EXOC2: variants seen among roughly 807,000 people sequenced by gnomAD.
The protein encoded by EXOC2 is SEC5-like 1.
In EXOC2, 70 loss-of-function variants were observed where a neutral mutation model predicts 131.8. That is an observed-to-expected ratio of 0.53 (90% confidence interval 0.44 to 0.65). The LOEUF (loss-of-function observed/expected upper bound fraction) is 0.65. Among genes scored for constraint, EXOC2 ranks in the 30% least tolerant of loss-of-function variants. The pLI is 0.00. For synonymous variants in EXOC2, 411 were observed against 398.4 expected, an observed-to-expected ratio of 1.03 and a Z score of -0.38; for missense variants, 923 against 1,108.6, an observed-to-expected ratio of 0.83 and a Z score of 2.38.
intron 11 of EXOC2, among the ~76,000 whole-genome samples, chr6:579,764 C>CAA (rs796263150): frequency 6.9e-6 from 1 of 145,336 alleles, no homozygotes; most frequent in African/African-American, 2.5e-5. Flanking sequence ...GACCAAGTGT[C>CAA]AAAAAAAAAA....
At chr6:692,050 C>T (rs1764951929) in intron 1 of EXOC2, among the ~76,000 whole-genome samples, 1 of 152,172 alleles carries the variant, frequency 6.6e-6, no homozygotes, top group Admixed American at 6.5e-5. Context: ...CATTCATAAA[C>T]AAAACATTAT....
At chr6:590,164 G>T (rs973545365) in intron 11 of EXOC2, among the ~76,000 whole-genome samples, 9 of 151,456 alleles carry the variant, frequency 5.9e-5, no homozygotes, top group African/African-American at 2.2e-4. Context: ...CCTTAAGGTT[G>T]AGAGCTCTGC....
chr6:686,839 A>T (rs145561803), intron 1 of EXOC2, among the ~76,000 whole-genome samples: 95 of 152,340 alleles, frequency 6.2e-4, no homozygotes, highest in African/African-American at 2.0e-3. Flanking sequence ...GACATTGATG[A>T]CATGTCAAAA....
At chr6:612,255 T>C (rs1312830481) in intron 6 of EXOC2, among the ~76,000 whole-genome samples, 1 of 152,254 alleles carries the variant, frequency 6.6e-6, no homozygotes, top group Non-Finnish European at 1.5e-5. Flanking sequence ...CTTCTTTTTT[T>C]GTTTTTAGCA....
At chr6:625,850 A>G (rs924876371) in intron 4 of EXOC2, among the ~76,000 whole-genome samples, 3 of 152,108 alleles carry the variant, frequency 2.0e-5, no homozygotes, top group Non-Finnish European at 4.4e-5. Flanking sequence ...TTCCCAGGTA[A>G]TAAGTCACAA....
intron 10 of EXOC2, among the ~76,000 whole-genome samples, chr6:593,150 G>T (rs539948578): frequency 4.3e-4 from 65 of 152,276 alleles, no homozygotes; most frequent in South Asian, 2.1e-4. Context: ...ACAATTTGCA[G>T]TGATCCTATC....
At chr6:516,098 C>G (rs1299447823) in intron 23 of EXOC2, among the ~76,000 whole-genome samples, 1 of 152,140 alleles carries the variant, frequency 6.6e-6, no homozygotes, top group African/African-American at 2.4e-5. Flanking sequence ...CTGGAACTGT[C>G]TATAACCCTA....
At chr6:588,522 T>C (rs1193396558) in intron 11 of EXOC2, among the ~76,000 whole-genome samples, 1 of 152,156 alleles carries the variant, frequency 6.6e-6, no homozygotes, top group Non-Finnish European at 1.5e-5. Context: ...ACCTGGCTAA[T>C]TTTTGTATTT....
chr6:552,289 G>A lies in EXOC2; in HGVS notation c.2121+1565C>T, dbSNP rs575688749. On this transcript the variant is annotated intron_variant, in intron 21 of 27. Transcript: ENST00000230449. ...CTTTTCCTTGTGAGGACCAAGTGCC[G>A]CCCCCTCTGTGTGTCGTTCCCTAAT... 1.4e-4 allele frequency among the ~76,000 whole-genome samples: 21 copies of A among 152,254 alleles called. No homozygotes were observed. In the South Asian group the frequency reaches 3.5e-3, roughly 26 times the overall value.
At chr6:651,223 C>T (rs1561972248) in intron 1 of EXOC2, among the ~76,000 whole-genome samples, 4 of 151,884 alleles carry the variant, frequency 2.6e-5, no homozygotes, top group Non-Finnish European at 4.4e-5. Context: ...TTAATAGAGA[C>T]GGGGTTTCAC....
chr6:625,017 G>A (rs956458646), intron 4 of EXOC2, among the ~76,000 whole-genome samples: 5 of 152,196 alleles, frequency 3.3e-5, no homozygotes, highest in African/African-American at 1.2e-4. Flanking sequence ...TGTTTTCATC[G>A]AGGAATCGAA....
chr6:674,572 C>T (rs1581670425), intron 1 of EXOC2, among the ~76,000 whole-genome samples: 1 of 152,024 alleles, frequency 6.6e-6, no homozygotes, highest in Non-Finnish European at 1.5e-5. Flanking sequence ...ATTGTAAAGG[C>T]TTTTTCTCAT....
At chr6:682,203 T>C (rs112651050) in intron 1 of EXOC2, among the ~76,000 whole-genome samples, 39 of 112,092 alleles carry the variant, frequency 3.5e-4, no homozygotes, top group South Asian at 4.9e-4. Flanking sequence ...CAGTTTCTTT[T>C]TTTTTTTTTT....
Position 679,726 on chromosome 6 carries a change from T to C in EXOC2, c.-44+13293A>G, listed in dbSNP as rs149162172. 5.4e-3 allele frequency among the ~76,000 whole-genome samples: 822 copies of C among 152,168 alleles called. 7 individuals are homozygous for C. The highest frequency in any genetic ancestry group is 0.019 in the African/African-American group (770 of 41,504). The stretch of plus-strand genomic sequence containing the variant: ...CAAAACATCCAGTAAAATGTAAAGG[T>C]TCAGTCAAGGAAACTATGCAGCCAG... On this transcript the variant is annotated intron_variant, in intron 1 of 27. Transcript: ENST00000230449.
Position 629,687 on chromosome 6 carries a change from T to A in EXOC2, c.422+148A>T. On this transcript the variant is annotated intron_variant, in intron 4 of 27. Transcript: ENST00000230449. ...TACTTGCAGCATAGCTAACAAGGCT[T>A]CATAAATAACACCCATCTCCAAACA... 3 of 917,544 alleles carry A rather than the reference T, an allele frequency of 3.3e-6. No homozygotes were observed. In the East Asian group the frequency reaches 8.7e-5, roughly 26 times the overall value. 56.8% of individuals were successfully genotyped at this position (917,544 alleles called of 1,614,324 possible). A position where few individuals can be genotyped will look rare whatever the true frequency, so the allele number is the denominator to read the frequency against.
intron 1 of EXOC2, among the ~76,000 whole-genome samples, chr6:687,624 A>G (rs1764723694): frequency 6.6e-6 from 1 of 152,214 alleles, no homozygotes; most frequent in Admixed American, 6.5e-5. Context: ...TGTGAAAAGG[A>G]AACATCCTTG....
chr6:576,624 G>T, intron 12 of EXOC2, 133 bp downstream of exon 12: 1 of 980,042 alleles, frequency 1.0e-6, no homozygotes, highest in Non-Finnish European at 1.5e-6. Flanking sequence ...ACTGTAACAA[G>T]CAAAAGCGAT....
At chr6:534,650 C>T (rs1025971942) in intron 22 of EXOC2, among the ~76,000 whole-genome samples, 1 of 152,074 alleles carries the variant, frequency 6.6e-6, no homozygotes, top group Non-Finnish European at 1.5e-5. Context: ...TAACAGAGTC[C>T]GAGAAAGATA....
chr6:656,841 C>G (rs757961681), intron 1 of EXOC2: 1 of 1,610,618 alleles, frequency 6.2e-7, no homozygotes. Context: ...GCTGTCAGGG[C>G]GCACGCGGAG....
Sources: allele counts gnomAD v4.1 joint callset (sites outside exome capture counted in the v4.1 genomes callset), GRCh38; gene constraint gnomAD v4.1.1; transcripts MANE v1.5; gene names NCBI Gene and HGNC (gene_info 2026-07-23, HGNC 2026-07-21).